SSBP3: variants seen among roughly 807,000 people sequenced by gnomAD.
SSBP3 encodes the protein single stranded DNA binding protein 3.
SSBP3 carries 5 observed loss-of-function variants against 69.6 expected under a neutral mutation model. That is an observed-to-expected ratio of 0.07 (90% CI 0.04 to 0.15). The LOEUF is 0.15. Ranked by LOEUF, SSBP3 falls within the 10% of genes least tolerant of loss-of-function variation. The pLI is 1.00. For synonymous variants in SSBP3, 196 were observed against 193.4 expected, an observed-to-expected ratio of 1.01 and a Z score of -0.11; for missense variants, 312 against 534.0, an observed-to-expected ratio of 0.58 and a Z score of 4.10.
chr1:54,240,075 TGTGTGTGTGTGTGC>T (rs1273614215), intron 13 of SSBP3, among the ~76,000 whole-genome samples: 2,624 of 26,686 alleles, frequency 0.098, 83 homozygotes, highest in Admixed American at 0.31. Context: ...TGTGTGTGTG[TGTGTGTGTGTGTGC>T]GCGCGCGCGC....
intron 4 of SSBP3, among the ~76,000 whole-genome samples, chr1:54,291,401 T>TC (rs1192662099): frequency 6.6e-6 from 1 of 152,064 alleles, no homozygotes; most frequent in African/African-American, 2.4e-5. Flanking sequence ...AAATGAACAG[T>TC]CGGGAGCCCT....
chr1:54,339,790 G>GT (rs1180873817), intron 4 of SSBP3, among the ~76,000 whole-genome samples: 1 of 152,130 alleles, frequency 6.6e-6, no homozygotes, highest in African/African-American at 2.4e-5. Flanking sequence ...GCGGGCGCCT[G>GT]TAATTCCAGC....
rs150683958 is a variant in SSBP3 at position 54,380,243 on chromosome 1, T to A, written c.276+21618A>T. 5.4e-3 allele frequency among the ~76,000 whole-genome samples: 825 copies of A among 152,226 alleles called. 5 individuals are homozygous for A. The highest frequency in any genetic ancestry group is 0.019 in the African/African-American group (781 of 41,530). On this transcript the variant is annotated intron_variant, in intron 4 of 17. Coordinates refer to ENST00000610401, the Ensembl canonical transcript of SSBP3. ...CCAGGGGGATTGACTCGCTCTGTGG[T>A]CTGGACAGGCTAAGTCACACACCCC...
At chr1:54,373,680 T>C (rs997489615) in intron 4 of SSBP3, among the ~76,000 whole-genome samples, 5 of 151,326 alleles carry the variant, frequency 3.3e-5, no homozygotes, top group African/African-American at 1.2e-4. Context: ...TGGGGGAGGA[T>C]TGCTTGAGCC....
chr1:54,232,821 G>C (rs560174497), intron 14 of SSBP3, among the ~76,000 whole-genome samples: 2 of 152,350 alleles, frequency 1.3e-5, no homozygotes, highest in Non-Finnish European at 2.9e-5. Context: ...AACCGCGAGT[G>C]ATCCGCCAGC....
intron 3 of SSBP3, among the ~76,000 whole-genome samples, chr1:54,402,516 C>A (rs1557596510): frequency 6.6e-6 from 1 of 152,046 alleles, no homozygotes; most frequent in Non-Finnish European, 1.5e-5. Context: ...ACCCTTCCCA[C>A]CTCACCCCCA....
At chr1:54,251,455 C>G (rs562199834) in intron 9 of SSBP3, among the ~76,000 whole-genome samples, 161 bp downstream of exon 9, 48 of 152,364 alleles carry the variant, frequency 3.2e-4, no homozygotes, top group Non-Finnish European at 5.9e-4. Context: ...GTGAAGCCAG[C>G]CTGCCACAGG....
chr1:54,246,304 C>T (rs1353774171), intron 9 of SSBP3, among the ~76,000 whole-genome samples: 1 of 152,186 alleles, frequency 6.6e-6, no homozygotes, highest in African/African-American at 2.4e-5. Flanking sequence ...CAAATCTCAG[C>T]CTCATCTCCC....
At chr1:54,251,299 C>CT in intron 9 of SSBP3, among the ~76,000 whole-genome samples, 1 of 152,326 alleles carries the variant, frequency 6.6e-6, no homozygotes, top group Non-Finnish European at 1.5e-5. Context: ...CAGGAGCTCC[C>CT]TGCCCTTCTT....
At chr1:54,303,182 A>G (rs1023100606) in intron 4 of SSBP3, among the ~76,000 whole-genome samples, 1 of 152,180 alleles carries the variant, frequency 6.6e-6, no homozygotes. Context: ...CTGCCACAGA[A>G]AGCTCTGGAG....
At position 54,228,182 on chromosome 1, in the gene SSBP3, G is replaced by A. The variant is rs1414322717; in HGVS notation, c.1137+73C>T. 8 of 1,399,174 alleles carry A rather than the reference G, an allele frequency of 5.7e-6. No homozygotes were observed. The South Asian group carries it at 5.8e-5, about 10-fold the overall frequency. The allele number at this position is 1,399,174 out of a possible 1,614,324, so 86.7% of individuals were successfully genotyped here. On this transcript the variant is annotated intron_variant, in intron 17 of 17. Coordinates refer to ENST00000610401, the Ensembl canonical transcript of SSBP3. ...AGCTGGCAGGCTGCAGCCCGGCTCC[G>A]TAGCTCGCAACTTGTTAGGAAAGAG...
intron 7 of SSBP3, among the ~76,000 whole-genome samples, chr1:54,252,245 C>T (rs1165829479): frequency 4.6e-5 from 7 of 152,228 alleles, no homozygotes; most frequent in Admixed American, 3.9e-4. Context: ...CCTCCTTCTG[C>T]CCAAACCCCA....
chr1:54,253,186 GTTTTTGTTTTTT>G (rs1228898165), intron 7 of SSBP3, among the ~76,000 whole-genome samples: 7 of 115,180 alleles, frequency 6.1e-5, no homozygotes, highest in African/African-American at 2.6e-4. Flanking sequence ...TTTTTTTTTA[GTTTTTGTTTTTT>G]TTTTTTTTTA....
At chr1:54,347,923 G>A (rs1312202303) in intron 4 of SSBP3, among the ~76,000 whole-genome samples, 2 of 152,168 alleles carry the variant, frequency 1.3e-5, no homozygotes, top group Admixed American at 6.5e-5. Flanking sequence ...CTAGTTTGTG[G>A]TACTTTGTTA....
intron 4 of SSBP3, among the ~76,000 whole-genome samples, chr1:54,283,196 A>T (rs1246387264): frequency 6.6e-6 from 1 of 151,508 alleles, no homozygotes; most frequent in African/African-American, 2.4e-5. Context: ...TGAACTCAGG[A>T]GGCAGAGGTT....
chr1:54,228,220 G>A (rs1366474801), intron 17 of SSBP3, 35 bp downstream of exon 17: 1 of 1,589,786 alleles, frequency 6.3e-7, no homozygotes, highest in East Asian at 2.2e-5. Context: ...CCCAGGCCGT[G>A]GGGACGAGAG....
intron 5 of SSBP3, among the ~76,000 whole-genome samples, chr1:54,269,720 T>C (rs371286662): frequency 5.3e-5 from 8 of 152,204 alleles, no homozygotes; most frequent in African/African-American, 1.7e-4. Flanking sequence ...AGCAGACTGA[T>C]GGAGGGGCAG....
intron 9 of SSBP3, among the ~76,000 whole-genome samples, chr1:54,245,021 C>A (rs925699917): frequency 4.6e-5 from 7 of 152,204 alleles, no homozygotes; most frequent in African/African-American, 1.7e-4. Flanking sequence ...CCCAGTGGCA[C>A]AGACTGGCAC....
At chr1:54,243,796 C>G (rs1171297865) in intron 9 of SSBP3, among the ~76,000 whole-genome samples, 1 of 152,236 alleles carries the variant, frequency 6.6e-6, no homozygotes, top group Non-Finnish European at 1.5e-5. Flanking sequence ...ACACGCCAAC[C>G]TGCCCCAGGT....
Sources: allele counts gnomAD v4.1 joint callset (sites outside exome capture counted in the v4.1 genomes callset), GRCh38; gene constraint gnomAD v4.1.1; transcripts MANE v1.5; gene names NCBI Gene and HGNC (gene_info 2026-07-23, HGNC 2026-07-21).